The following HMGCLL1 variants were observed in gnomAD, a reference collection of about 807,000 sequenced individuals.
The protein encoded by HMGCLL1 is 3-hydroxymethyl-3-methylglutaryl-CoA lyase, cytoplasmic.
Under a neutral mutation model 39.1 loss-of-function variants are expected in HMGCLL1, and 36 were observed. The ratio of observed to expected loss-of-function variants is 0.92; its 90% confidence interval spans 0.71 to 1.22. The LOEUF is 1.22. HMGCLL1 is among the 50% of genes most tolerant of loss of function. The pLI, the probability that HMGCLL1 is intolerant of heterozygous loss-of-function variation, is 0.00. For missense variants in HMGCLL1, 451 were observed against 416.5 expected (o/e 1.08, Z -0.72); for synonymous variants, 149 against 144.0 (o/e 1.03, Z -0.25).
At chr6:55,555,398 T>C (rs569092158) in intron 1 of HMGCLL1, among the ~76,000 whole-genome samples, 1 of 152,334 alleles carries the variant, frequency 6.6e-6, no homozygotes, top group South Asian at 2.1e-4. Flanking sequence ...TCTACTCCCC[T>C]TACTCTTTAT....
At chr6:55,541,960 A>T in intron 2 of HMGCLL1, 100 bp downstream of exon 2, 1 of 975,468 alleles carries the variant, frequency 1.0e-6, no homozygotes, top group Non-Finnish European at 1.5e-6. Flanking sequence ...AGCAATTGAG[A>T]AAAAATATAA....
chr6:55,532,962 T>C (rs1220104324), intron 3 of HMGCLL1, among the ~76,000 whole-genome samples: 1 of 151,416 alleles, frequency 6.6e-6, no homozygotes, highest in Non-Finnish European at 1.5e-5. Flanking sequence ...CAATTGTTTC[T>C]CCTATGTGGT....
At chr6:55,641,086 CTGAGCAATTAT>C in the HMGCLL1 span, among the ~76,000 whole-genome samples, 1 of 151,254 alleles carries the variant, frequency 6.6e-6, no homozygotes, top group East Asian at 1.9e-4. Flanking sequence ...CAAGATATTA[CTGAGCAATTAT>C]TAAAACATAC....
chr6:55,617,827 A>C, the HMGCLL1 span, among the ~76,000 whole-genome samples: 1 of 152,080 alleles, frequency 6.6e-6, no homozygotes, highest in Non-Finnish European at 1.5e-5. Context: ...TATATGTACA[A>C]GTAGGTCCAC....
intron 3 of HMGCLL1, among the ~76,000 whole-genome samples, chr6:55,528,486 C>T (rs574573858): frequency 1.3e-4 from 20 of 152,018 alleles, no homozygotes; most frequent in Non-Finnish European, 2.6e-4. Flanking sequence ...GTACAGTAAC[C>T]CTGTCTCATT....
intron 7 of HMGCLL1, among the ~76,000 whole-genome samples, chr6:55,452,784 C>T (rs1439724410): frequency 6.6e-6 from 1 of 152,078 alleles, no homozygotes; most frequent in Non-Finnish European, 1.5e-5. Flanking sequence ...TTTACGGTAG[C>T]CTGAGTTGGC....
intron 7 of HMGCLL1, among the ~76,000 whole-genome samples, chr6:55,477,892 G>T (rs1385281027): frequency 6.6e-6 from 1 of 150,830 alleles, no homozygotes; most frequent in Non-Finnish European, 1.5e-5. Flanking sequence ...GTTCTTATAT[G>T]ATTTTGGAAC....
At chr6:55,614,999 T>C in the HMGCLL1 span, among the ~76,000 whole-genome samples, 5 of 152,186 alleles carry the variant, frequency 3.3e-5, no homozygotes, top group African/African-American at 1.2e-4. Flanking sequence ...ATATGAAATA[T>C]ATATTAGCTC....
chr6:55,498,535 T>C (rs766435347), intron 6 of HMGCLL1, among the ~76,000 whole-genome samples: 1 of 152,060 alleles, frequency 6.6e-6, no homozygotes, highest in Non-Finnish European at 1.5e-5. Context: ...TGGTGCAAAA[T>C]TTTTCAAAAA....
At chr6:55,598,312 T>G in the HMGCLL1 span, among the ~76,000 whole-genome samples, 1 of 152,036 alleles carries the variant, frequency 6.6e-6, no homozygotes, top group Admixed American at 6.6e-5. Context: ...TTGAAAAAAA[T>G]TACAAAAAAA....
intron 7 of HMGCLL1, among the ~76,000 whole-genome samples, chr6:55,460,241 G>C (rs1764498392): frequency 6.6e-6 from 1 of 151,910 alleles, no homozygotes; most frequent in Non-Finnish European, 1.5e-5. Context: ...AGAAAACTAT[G>C]CATAAAATGA....
chr6:55,633,715 G>C, the HMGCLL1 span, among the ~76,000 whole-genome samples: 1 of 152,114 alleles, frequency 6.6e-6, no homozygotes, highest in Admixed American at 6.6e-5. Flanking sequence ...AGGCTAAAAA[G>C]ATTAAAATTT....
rs551847348 is a variant in HMGCLL1 at position 55,437,126 on chromosome 6, A to G, written c.922-1363T>C. ...AGTAGAATTTGTTGATATCGCACCA[A>G]AGAAGAATTTTGTTTTGGCTTTTCT... On this transcript the variant is annotated intron_variant, in intron 8 of 8. Transcript: ENST00000274901. Among the ~76,000 whole-genome samples, 10 of 152,132 alleles carry G rather than the reference A, an allele frequency of 6.6e-5. No homozygotes were observed. In the South Asian group the frequency reaches 2.1e-3, roughly 31 times the overall value.
intron 1 of HMGCLL1, chr6:55,577,086 T>C: frequency 2.5e-6 from 4 of 1,613,670 alleles, no homozygotes; most frequent in Non-Finnish European, 3.4e-6. Flanking sequence ...ACCCAGTGGA[T>C]ACAAGCCACC....
At position 55,555,829 on chromosome 6, in the gene HMGCLL1, C is replaced by G. The variant is rs144062591; in HGVS notation, c.109-13689G>C. ...GGAGCTGCATTTGGTGAGGAAATTT[C>G]GACAAAAGGAAGATTGAATGCCTGG... is the stretch of plus-strand genomic sequence containing the variant. On this transcript the variant is annotated intron_variant, in intron 1 of 8. Transcript: ENST00000274901. Among the ~76,000 whole-genome samples, 8 of 152,232 alleles carry G rather than the reference C, an allele frequency of 5.3e-5. No homozygotes were observed. In the East Asian group the frequency reaches 1.5e-3, roughly 29 times the overall value.
At chr6:55,455,686 G>T (rs184319506) in intron 7 of HMGCLL1, among the ~76,000 whole-genome samples, 5 of 152,126 alleles carry the variant, frequency 3.3e-5, no homozygotes, top group Admixed American at 3.3e-4. Context: ...GTAGATTTTG[G>T]TTGATTATGG....
rs1768771444 is a variant in HMGCLL1, at chr6:55,532,885, A to C, written c.297+8844T>G. Reference sequence around the variant, plus strand: ...CCACCATCCCAACAAAAACAGTGTTAACATTTCCATATTCTTTTTTTGAGC... The same window carrying C: ...CCACCATCCCAACAAAAACAGTGTTCACATTTCCATATTCTTTTTTTGAGC... On this transcript the variant is annotated intron_variant, in intron 3 of 8. Transcript: ENST00000274901. 3.3e-5 allele frequency among the ~76,000 whole-genome samples: 5 copies of C among 150,358 alleles called. No individual in the cohort carries two copies. In the Admixed American group the frequency reaches 3.3e-4, roughly 10 times the overall value.
chr6:55,524,475 A>AAAAC (rs1748328791), intron 3 of HMGCLL1, among the ~76,000 whole-genome samples: 3 of 150,970 alleles, frequency 2.0e-5, no homozygotes, highest in Admixed American at 6.6e-5. Flanking sequence ...AAAAAAAAAA[A>AAAAC]AAAACGGGAT....
At chr6:55,557,169 A>G (rs1405733143) in intron 1 of HMGCLL1, among the ~76,000 whole-genome samples, 1 of 152,136 alleles carries the variant, frequency 6.6e-6, no homozygotes, top group Non-Finnish European at 1.5e-5. Context: ...TACAGACACT[A>G]ATTTATACTA....
Sources: allele counts gnomAD v4.1 joint callset (sites outside exome capture counted in the v4.1 genomes callset), GRCh38; gene constraint gnomAD v4.1.1; transcripts MANE v1.5; gene names NCBI Gene and HGNC (gene_info 2026-07-23, HGNC 2026-07-21).